Variants in TMTC2 observed in about 807,000 individuals in gnomAD.
TMTC2 encodes the protein protein O-mannosyl-transferase TMTC2.
TMTC2 carries 43 observed loss-of-function variants against 82.4 expected under a neutral mutation model. The ratio of observed to expected loss-of-function variants is 0.52; its 90% CI spans 0.41 to 0.67. The LOEUF is 0.67. Ranked by LOEUF, TMTC2 falls within the 30% of genes least tolerant of loss-of-function variation. The probability of loss-of-function intolerance (pLI) is 0.00; values close to 1 mark genes in which losing one functional copy is unlikely to be tolerated. For missense variants in TMTC2, 919 were observed against 1,012.4 expected, an observed-to-expected ratio of 0.91 and a Z score of 1.25; for synonymous variants, 408 against 381.9, an observed-to-expected ratio of 1.07 and a Z score of -0.80.
At chr12:82,701,175 T>G (rs1292743026) in intron 1 of TMTC2, among the ~76,000 whole-genome samples, 2 of 152,204 alleles carry the variant, frequency 1.3e-5, no homozygotes, top group African/African-American at 4.8e-5. Context: ...ATTGTAAGAA[T>G]GATTCTATTC....
chr12:82,938,320 A>T (rs1036233485), intron 4 of TMTC2, among the ~76,000 whole-genome samples: 2 of 152,088 alleles, frequency 1.3e-5, no homozygotes, highest in African/African-American at 4.8e-5. Flanking sequence ...GCAGAATACA[A>T]TTGGTGAGAC....
Position 83,001,172 on chromosome 12 carries a change from A to C in TMTC2, c.2070+15126A>C, listed in dbSNP as rs1879904010. On this transcript the variant is annotated intron_variant, in intron 8 of 11. Transcript: ENST00000321196. ...ATTAACATTCGGCTCCTCGTTACTT[A>C]TGCCAATTCCTGGAGCAGGCTTTAG... Among the ~76,000 whole-genome samples the C allele has an allele frequency of 3.9e-5, 6 of 152,292 alleles. No homozygotes were observed. The South Asian group carries it at 1.2e-3, about 32-fold the overall frequency.
intron 3 of TMTC2, among the ~76,000 whole-genome samples, chr12:82,903,792 A>G (rs1277083575): frequency 6.6e-6 from 1 of 152,332 alleles, no homozygotes; most frequent in Middle Eastern, 3.4e-3. Flanking sequence ...TCAGTAATGG[A>G]TATGTTCAGT....
At chr12:82,783,015 A>G (rs1312303633) in intron 1 of TMTC2, among the ~76,000 whole-genome samples, 3 of 152,154 alleles carry the variant, frequency 2.0e-5, no homozygotes, top group Admixed American at 6.6e-5. Context: ...ACTTGTTTAT[A>G]TAGTTTCTTT....
At chr12:82,696,963 C>CATACATATATATATATATATATATATAT (rs1491534159) in intron 1 of TMTC2, among the ~76,000 whole-genome samples, 8 of 121,348 alleles carry the variant, frequency 6.6e-5, no homozygotes, top group South Asian at 3.0e-4. Flanking sequence ...TACATACATA[C>CATACATATATATATATATATATATATAT]GTATATATAT....
intron 10 of TMTC2, among the ~76,000 whole-genome samples, chr12:83,056,302 T>C (rs1001493947): frequency 6.6e-5 from 10 of 151,920 alleles, no homozygotes; most frequent in Non-Finnish European, 1.0e-4. Flanking sequence ...TTTCCTTTTT[T>C]CTAGGCCTAA....
At chr12:82,962,685 A>G (rs565132194) in intron 4 of TMTC2, among the ~76,000 whole-genome samples, 39 of 152,118 alleles carry the variant, frequency 2.6e-4, no homozygotes, top group African/African-American at 9.2e-4. Flanking sequence ...ATGTGGCTCA[A>G]TCAGCTTTTG....
intron 10 of TMTC2, among the ~76,000 whole-genome samples, chr12:83,052,312 C>T (rs991211993): frequency 2.0e-5 from 3 of 151,992 alleles, no homozygotes; most frequent in Admixed American, 6.6e-5. Flanking sequence ...AGTTGAATGT[C>T]ATAATTCAAC....
chr12:82,765,675 G>A (rs1044208152), intron 1 of TMTC2, among the ~76,000 whole-genome samples: 18 of 145,346 alleles, frequency 1.2e-4, no homozygotes, highest in Admixed American at 1.2e-3. Context: ...ACTCCATCTC[G>A]AAAAAACAAA....
At chr12:82,975,896 TTA>T (rs1491098652) in intron 7 of TMTC2, among the ~76,000 whole-genome samples, 41 of 27,506 alleles carry the variant, frequency 1.5e-3, no homozygotes, top group East Asian at 0.033. Context: ...AAACTTTTTT[TTA>T]AAAAAAAAAT....
intron 3 of TMTC2, among the ~76,000 whole-genome samples, chr12:82,917,980 C>G (rs1796147): frequency 6.6e-6 from 1 of 152,122 alleles, no homozygotes; most frequent in Non-Finnish European, 1.5e-5. Flanking sequence ...TCACTGTAGC[C>G]TTAACCTCCC....
intron 8 of TMTC2, among the ~76,000 whole-genome samples, chr12:82,989,528 A>G (rs185781202): frequency 1.3e-5 from 2 of 152,088 alleles, no homozygotes; most frequent in East Asian, 3.9e-4. Flanking sequence ...AAAAAATCTA[A>G]AAGTTTCAGA....
chr12:83,096,411 A>G (rs1884031599), intron 11 of TMTC2, among the ~76,000 whole-genome samples: 1 of 152,172 alleles, frequency 6.6e-6, no homozygotes, highest in Non-Finnish European at 1.5e-5. Context: ...CATCTTGGAC[A>G]TTGTATTCGT....
At chr12:82,891,590 GA>G (rs1873399026) in intron 2 of TMTC2, among the ~76,000 whole-genome samples, 1 of 152,156 alleles carries the variant, frequency 6.6e-6, no homozygotes, top group South Asian at 2.1e-4. Context: ...TTACAGGTGT[GA>G]GCCACCACGC....
At chr12:82,907,739 T>A (rs183885848) in intron 3 of TMTC2, among the ~76,000 whole-genome samples, 2 of 152,316 alleles carry the variant, frequency 1.3e-5, no homozygotes, top group East Asian at 1.9e-4. Context: ...TTATCACGGT[T>A]TATATGCTAA....
intron 11 of TMTC2, among the ~76,000 whole-genome samples, chr12:83,106,558 G>A (rs1392843258): frequency 1.3e-5 from 2 of 148,604 alleles, no homozygotes; most frequent in African/African-American, 2.5e-5. Flanking sequence ...ACACCAAGTT[G>A]AATAAATACA....
chr12:83,051,629 A>G (rs1168461949), intron 10 of TMTC2, among the ~76,000 whole-genome samples: 1 of 152,204 alleles, frequency 6.6e-6, no homozygotes, highest in African/African-American at 2.4e-5. Flanking sequence ...AATTATATTG[A>G]CTGTGGCATG....
rs1358453547 is a variant in TMTC2 at position 82,985,996 on chromosome 12, A to G, written c.2020A>G (p.Thr674Ala). Residue 674 changes from threonine (T) to alanine (A), a missense_variant, in exon 8 of 12, where the codon ACT becomes GCT. Thr to Ala is a moderately conservative substitution (Grantham distance 58). Coordinates refer to ENST00000321196, the MANE Select transcript of TMTC2 (RefSeq NM_152588.3). ...HWYMESLRSK[T>A]DHIPAHLTYG... ...GTATATGGAATCACTGAGATCCAAGACTGACCACATCCCTGCTCATCTCAC... is the reference window on the plus strand; with the variant it reads ...GTATATGGAATCACTGAGATCCAAGGCTGACCACATCCCTGCTCATCTCAC... The G allele has an allele frequency of 6.2e-7, 1 of 1,613,976 alleles. No homozygotes were observed. Among genetic ancestry groups the G allele is most frequent in the Non-Finnish European group, 8.5e-7 (1 of 1,179,958 alleles).
intron 1 of TMTC2, among the ~76,000 whole-genome samples, chr12:82,765,049 A>T (rs886821726): frequency 2.0e-5 from 3 of 152,134 alleles, no homozygotes; most frequent in Non-Finnish European, 2.9e-5. Context: ...GAAACACCTT[A>T]AAGATCTTGC....
Sources: gnomAD v4.1 joint callset for allele counts (sites outside exome capture counted in the v4.1 genomes callset) on GRCh38, gnomAD v4.1.1 for gene constraint, MANE v1.5 for transcripts, NCBI Gene and HGNC (gene_info 2026-07-23, HGNC 2026-07-21) for gene names.